Variants in LRP2 observed in about 807,000 individuals in gnomAD.
The protein encoded by LRP2 is LDL receptor related protein 2, also known as low-density lipoprotein receptor-related protein 2.
Under a neutral mutation model 531.0 loss-of-function variants are expected in LRP2, and 172 were observed. The ratio of observed to expected loss-of-function variants is 0.32; its 90% CI spans 0.29 to 0.37. LRP2 has a LOEUF of 0.37. Ranked by LOEUF, LRP2 falls within the 10% of genes least tolerant of loss-of-function variation. The pLI, the probability that LRP2 is intolerant of heterozygous loss-of-function variation, is 1.00. For synonymous variants in LRP2, 1,992 were observed against 2,027.6 expected, an observed-to-expected ratio of 0.98 and a Z score of 0.47; for missense variants, 5,167 against 5,868.3, an observed-to-expected ratio of 0.88 and a Z score of 3.90.
chr2:169,293,737 T>C (rs1231348862), intron 6 of LRP2, among the ~76,000 whole-genome samples: 3 of 152,074 alleles, frequency 2.0e-5, no homozygotes, highest in Non-Finnish European at 4.4e-5. Context: ...CAGCAGAAAT[T>C]TCAAAGTAAA....
chr2:169,242,975 G>A lies in LRP2; in HGVS notation c.3648C>T (p.Asn1216=), dbSNP rs781257026. Residue 1216 remains asparagine, a synonymous_variant, in exon 24 of 79, where the codon AAC becomes AAT. Coordinates refer to ENST00000649046, the MANE Select transcript of LRP2 (RefSeq NM_004525.3). ...ACTTACGACAGCCTGCTTCATCCGA[G>A]TTGTCACTGCAATCAAAAACACCAT... ...RCDGVFDCSD[N]SDEAGCPTRP... 6.2e-7 allele frequency: 1 copy of A among 1,613,732 alleles called. No individual in the cohort carries two copies. Among genetic ancestry groups the A allele is most frequent in the African/African-American group, 1.3e-5 (1 of 74,906 alleles).
intron 9 of LRP2, among the ~76,000 whole-genome samples, chr2:169,287,871 AT>A (rs1683901731): frequency 6.7e-6 from 1 of 149,684 alleles, no homozygotes; most frequent in African/African-American, 2.4e-5. Context: ...AAATTTTAAT[AT>A]TTTAATAATA....
intron 1 of LRP2, among the ~76,000 whole-genome samples, chr2:169,344,345 C>T (rs1205675681): frequency 1.3e-5 from 2 of 151,988 alleles, no homozygotes; most frequent in Non-Finnish European, 2.9e-5. Flanking sequence ...GTTCAACTCC[C>T]ACTTATGAGT....
intron 25 of LRP2, among the ~76,000 whole-genome samples, chr2:169,240,362 C>T (rs1335728422): frequency 6.6e-6 from 1 of 152,222 alleles, no homozygotes; most frequent in Admixed American, 6.5e-5. Context: ...CCTTCTATTT[C>T]CATGTGTACT....
In LRP2 at chr2:169,239,694, G is replaced by A. The variant is rs748719293; in HGVS notation, c.4127C>T (p.Pro1376Leu). 1 of 1,613,918 alleles carries A rather than the reference G, an allele frequency of 6.2e-7. No homozygotes were observed. The highest frequency in any genetic ancestry group is 8.5e-7 in the Non-Finnish European group (1 of 1,179,802). The change falls in exon 26 of 79, where the codon CCA becomes CTA. Residue 1376 changes from proline to leucine, a missense_variant. Pro to Leu is a moderately conservative substitution (Grantham distance 98). Around this residue, in one of 6 missense-constraint regions of LRP2, gnomAD observed 2,811 missense variants for 3,058.0 expected, o/e 0.92. Transcript: ENST00000649046. The stretch of plus-strand genomic sequence containing the variant: ...ATCATTGGCAAGTAAGAATCCCAAT[G>A]GACATAGGCATTTAGCCCCAAAGGG... ...QEPFGAKCLC[P>L]LGFLLANDSK...
intron 10 of LRP2, among the ~76,000 whole-genome samples, chr2:169,280,872 T>C (rs542080723): frequency 1.4e-4 from 22 of 152,336 alleles, no homozygotes; most frequent in South Asian, 6.2e-4. Flanking sequence ...CTTAGCCCCA[T>C]GTGCAACTTT....
intron 1 of LRP2, among the ~76,000 whole-genome samples, chr2:169,361,964 C>T (rs1686177947): frequency 6.6e-6 from 1 of 152,214 alleles, no homozygotes; most frequent in East Asian, 1.9e-4. Context: ...CAGAGAACTC[C>T]GCTAGGGAGG....
Position 169,154,590 on chromosome 2 carries a change from C to G in LRP2, c.12165G>C (p.Leu4055Phe), listed in dbSNP as rs142650566. The change falls in exon 66 of 79, where the codon TTG (leucine) becomes TTC (phenylalanine). Residue 4055 changes from leucine (L) to phenylalanine (F), a missense_variant. This residue lies in a region of LRP2 where 564 missense variants were observed against 747.7 expected (regional missense o/e 0.75). Coordinates refer to ENST00000649046, the MANE Select transcript of LRP2 (RefSeq NM_004525.3). ...TTCGGACATTGTCAGGCAGTAGCAACAAAGGAGAGCTACCTGTAAACAAAC... is the reference window on the plus strand; with the variant it reads ...TTCGGACATTGTCAGGCAGTAGCAAGAAAGGAGAGCTACCTGTAAACAAAC... ...KRCAAEGSSP[L>F]LLLPDNVRIR... 29 of 1,613,454 alleles carry G rather than the reference C, an allele frequency of 1.8e-5. No homozygotes were observed. The African/African-American group carries it at 3.3e-4, about 19-fold the overall frequency.
intron 64 of LRP2, among the ~76,000 whole-genome samples, chr2:169,157,097 G>A (rs565991806): frequency 1.3e-5 from 2 of 152,228 alleles, no homozygotes; most frequent in Admixed American, 1.3e-4. Context: ...GCAATAAGCA[G>A]CCATCATCAC....
At chr2:169,246,553 G>T in intron 21 of LRP2, 152 bp downstream of exon 21, 1 of 919,010 alleles carries the variant, frequency 1.1e-6, no homozygotes, top group Non-Finnish European at 1.7e-6. Context: ...TTCTTGCTTA[G>T]CTTCCTAAAA....
At chr2:169,327,312 T>TG in intron 1 of LRP2, among the ~76,000 whole-genome samples, 1 of 62,162 alleles carries the variant, frequency 1.6e-5, no homozygotes, top group East Asian at 4.1e-4. Flanking sequence ...GGGAGGGAGG[T>TG]GGGGTCAGCC....
At position 169,178,001 on chromosome 2, in the gene LRP2, G is replaced by A. The variant is rs80338752; in HGVS notation, c.10195C>T (p.Arg3399Ter). 6.2e-7 allele frequency: 1 copy of A among 1,613,822 alleles called. No individual in the cohort carries two copies. Among genetic ancestry groups the A allele is most frequent in the Non-Finnish European group, 8.5e-7 (1 of 1,179,970 alleles). ...AGTGCCCCATCATACACCGTGTGTC[G>A]ATGGTGGCCCTCCAAATCAGAGTAC... ...IEYSDLEGHH[R>*]HTVYDGALPH... Residue 3399 changes from arginine to a stop codon, truncating the protein, a stop_gained, in exon 53 of 79, where the codon CGA (arginine) becomes TGA (stop). Coordinates refer to ENST00000649046, the MANE Select transcript of LRP2 (RefSeq NM_004525.3). LOFTEE classifies it high-confidence loss of function.
At chr2:169,290,334 G>A (rs1288059613) in intron 8 of LRP2, among the ~76,000 whole-genome samples, 1 of 127,426 alleles carries the variant, frequency 7.8e-6, no homozygotes, top group African/African-American at 3.0e-5. Flanking sequence ...GTATAAGCCA[G>A]GTAATAAAAT....
At chr2:169,258,962 A>G (rs1690422258) in intron 17 of LRP2, 63 bp downstream of exon 17, 4 of 1,412,494 alleles carry the variant, frequency 2.8e-6, no homozygotes, top group Non-Finnish European at 4.0e-6. Context: ...CTAGGGCATC[A>G]CTTTTCAATG....
At chr2:169,213,274 A>T (rs1315075333) in intron 36 of LRP2, among the ~76,000 whole-genome samples, 2 of 152,190 alleles carry the variant, frequency 1.3e-5, no homozygotes, top group Non-Finnish European at 2.9e-5. Flanking sequence ...TGTGCCAAGC[A>T]CTATTCTAAT....
At position 169,170,254 on chromosome 2, in the gene LRP2, C is replaced by A. The variant is rs73971196; in HGVS notation, c.11380+297G>T. Among the ~76,000 whole-genome samples, 911 of 152,230 alleles carry A rather than the reference C, an allele frequency of 6.0e-3. 4 individuals are homozygous for A. The highest frequency in any genetic ancestry group is 0.021 in the African/African-American group (857 of 41,530). On this transcript the variant is annotated intron_variant, in intron 59 of 78. Coordinates refer to ENST00000649046, the MANE Select transcript of LRP2 (RefSeq NM_004525.3). ...ACTTTCCGTGGAATAGTAGCAAGAT[C>A]AATGTCTTTGTTTACAAGGCTAACG...
In LRP2 at chr2:169,242,055, A is replaced by AAAAGGAACCGTAAAGG. The variant is rs1689826105; in HGVS notation, c.3668-691_3668-690insCCTTTACGGTTCCTTT. Among the ~76,000 whole-genome samples the AAAAGGAACCGTAAAGG allele has an allele frequency of 3.3e-5, 5 of 152,260 alleles. No homozygotes were observed. In the South Asian group the frequency reaches 1.0e-3, roughly 31 times the overall value. Reference sequence around the variant, plus strand: ...TTTTATGTTTTTAATGTGAAACAGGAAAATTAGTGATTAGTAATTTCTAGA... The same window carrying AAAAGGAACCGTAAAGG: ...TTTTATGTTTTTAATGTGAAACAGGAAAAGGAACCGTAAAGGAAATTAGTGATTAGTAATTTCTAGA... On this transcript the variant is annotated intron_variant, in intron 24 of 78. Coordinates refer to ENST00000649046, the MANE Select transcript of LRP2 (RefSeq NM_004525.3).
chr2:169,299,838 G>GTAGC (rs1245497503), intron 4 of LRP2, among the ~76,000 whole-genome samples: 1 of 152,114 alleles, frequency 6.6e-6, no homozygotes, highest in African/African-American at 2.4e-5. Flanking sequence ...CATTATAAGA[G>GTAGC]TAGCCACTTT....
At position 169,217,117 on chromosome 2, in the gene LRP2, TA is replaced by T. The variant is rs1688827178; in HGVS notation, c.5649-688del. Among the ~76,000 whole-genome samples the T allele has an allele frequency of 1.1e-4, 17 of 152,218 alleles. No individual in the cohort carries two copies. The South Asian group carries it at 3.3e-3, about 30-fold the overall frequency. Reference sequence around the variant, plus strand: ...CATGATATATGAAAATGTATTAAAATATATTAAGGGCTGTTTTCCATTTCCA... The same window carrying T: ...CATGATATATGAAAATGTATTAAAATTATTAAGGGCTGTTTTCCATTTCCA... On this transcript the variant is annotated intron_variant, in intron 34 of 78. Coordinates refer to ENST00000649046, the MANE Select transcript of LRP2 (RefSeq NM_004525.3).
Sources: gnomAD v4.1 joint callset for allele counts (sites outside exome capture counted in the v4.1 genomes callset) on GRCh38, gnomAD v4.1.1 for gene constraint, gnomAD v4.1.1 regional missense constraint, MANE v1.5 for transcripts, NCBI Gene and HGNC (gene_info 2026-07-23, HGNC 2026-07-21) for gene names.